The following HIBCH variants were observed in gnomAD, a reference collection of about 807,000 sequenced individuals.
The protein encoded by HIBCH is 3-hydroxyisobutyryl-CoA hydrolase.
Under a neutral mutation model 58.2 loss-of-function variants are expected in HIBCH, and 50 were observed. That is an observed-to-expected ratio of 0.86 (90% CI 0.68 to 1.09). The LOEUF (loss-of-function observed/expected upper bound fraction) is 1.09, where lower values mean the gene tolerates loss of function less well. Among genes scored for constraint, HIBCH ranks in the 50% least tolerant of loss-of-function variants. The pLI, the probability that HIBCH is intolerant of heterozygous loss-of-function variation, is 0.00. For synonymous variants in HIBCH, 151 were observed against 146.9 expected, an observed-to-expected ratio of 1.03 and a Z score of -0.20; for missense variants, 450 against 449.7, an observed-to-expected ratio of 1.00 and a Z score of -0.01.
intron 1 of HIBCH, among the ~76,000 whole-genome samples, chr2:190,316,136 T>C (rs2124876841): frequency 6.6e-6 from 1 of 152,214 alleles, no homozygotes; most frequent in South Asian, 2.1e-4. Context: ...ATTTTATTTT[T>C]GTATTCTATT....
chr2:190,262,677 C>CT (rs533851781), intron 6 of HIBCH, among the ~76,000 whole-genome samples: 17 of 152,296 alleles, frequency 1.1e-4, no homozygotes, highest in Non-Finnish European at 1.8e-4. Context: ...CTCCTGAACT[C>CT]TATGGAAAAA....
chr2:190,192,452 C>CTGTGTCTGTGTGTG (rs534949398), intron 1 of HIBCH, among the ~76,000 whole-genome samples: 2 of 145,258 alleles, frequency 1.4e-5, no homozygotes, highest in African/African-American at 5.1e-5. Flanking sequence ...AATTCAGAAT[C>CTGTGTCTGTGTGTG]TGTGTGTGTG....
chr2:190,241,448 G>A (rs972513345), intron 11 of HIBCH, among the ~76,000 whole-genome samples: 1 of 152,284 alleles, frequency 6.6e-6, no homozygotes, highest in Non-Finnish European at 1.5e-5. Context: ...TTTAATTGGT[G>A]CATTTAGCCC....
chr2:190,300,847 G>A lies in HIBCH; in HGVS notation c.79-3894C>T, dbSNP rs75043174. ...TTTTTGTATATAGTGTAAGCAAGGG[G>A]TCCGGTTTCCATTCTCTGCATCTGG... On this transcript the variant is annotated intron_variant, in intron 2 of 13. Coordinates refer to ENST00000359678, the MANE Select transcript of HIBCH (RefSeq NM_014362.4). Among the ~76,000 whole-genome samples, 345 of 152,274 alleles carry A rather than the reference G, an allele frequency of 2.3e-3. 1 individual carries two copies. The highest frequency in any genetic ancestry group is 7.7e-3 in the African/African-American group (321 of 41,534).
chr2:190,305,845 C>T (rs1413075348), intron 2 of HIBCH, among the ~76,000 whole-genome samples: 1 of 152,106 alleles, frequency 6.6e-6, no homozygotes, highest in African/African-American at 2.4e-5. Flanking sequence ...TTCCCACATC[C>T]AGCTGAACCC....
chr2:190,254,665 CCA>C lies in HIBCH; in HGVS notation c.518-2360_518-2359del, dbSNP rs1559036250. On this transcript the variant is annotated intron_variant, in intron 7 of 13. Coordinates refer to ENST00000359678, the MANE Select transcript of HIBCH (RefSeq NM_014362.4). The surrounding 1 kb of genome is among the most constrained non-coding windows in gnomAD (Gnocchi z 5.0). ...CTGCTCCTTCCCTCATCAGCCTCATCCATCAAAGTAGCACAAGTTAAATACCT... is the reference window on the plus strand; with the variant it reads ...CTGCTCCTTCCCTCATCAGCCTCATCTCAAAGTAGCACAAGTTAAATACCT... Among the ~76,000 whole-genome samples the C allele has an allele frequency of 6.6e-6, 1 of 152,196 alleles. No homozygotes were observed. The highest frequency in any genetic ancestry group is 1.5e-5 in the Non-Finnish European group (1 of 68,024).
chr2:190,261,311 C>G (rs572806287), intron 6 of HIBCH, 77 bp from the exon 7 acceptor site: 245 of 1,016,908 alleles, frequency 2.4e-4, no homozygotes, highest in Non-Finnish European at 3.6e-4. Context: ...CACACACTTA[C>G]AAAATTACAA....
At chr2:190,238,617 A>G (rs1686354589) in intron 11 of HIBCH, among the ~76,000 whole-genome samples, 2 of 152,098 alleles carry the variant, frequency 1.3e-5, no homozygotes, top group South Asian at 4.1e-4. Flanking sequence ...TATGCACTCT[A>G]CCACACCTGG....
intron 3 of HIBCH, 85 bp from the exon 4 acceptor site, chr2:190,294,715 C>CAT: frequency 1.2e-6 from 1 of 822,800 alleles, no homozygotes; most frequent in Non-Finnish European, 2.1e-6. Flanking sequence ...TATATTCAAT[C>CAT]ATATATTCAT....
intron 6 of HIBCH, among the ~76,000 whole-genome samples, chr2:190,283,445 C>G (rs1407605232): frequency 4.6e-5 from 7 of 152,198 alleles, no homozygotes; most frequent in African/African-American, 1.7e-4. Context: ...CTTTGCCTCC[C>G]TTGTCCAGGT....
At chr2:190,200,155 A>G (rs775313240), downstream of HIBCH, 126 of 1,611,750 alleles carry the variant, frequency 7.8e-5, no homozygotes, top group Non-Finnish European at 1.0e-4. Context: ...TTGAGGCTGT[A>G]GGATGACAAC....
intron 1 of HIBCH, among the ~76,000 whole-genome samples, chr2:190,196,522 CTT>C (rs34020571): frequency 3.7e-5 from 5 of 135,844 alleles, no homozygotes; most frequent in Admixed American, 7.4e-5. Context: ...AATGCTGGGT[CTT>C]TTTTTTTTTT....
chr2:190,249,518 T>A, intron 9 of HIBCH, 122 bp downstream of exon 9: 1 of 638,794 alleles, frequency 1.6e-6, no homozygotes. Flanking sequence ...CGCTTTAAAG[T>A]AAATAAATCC....
intron 1 of HIBCH, among the ~76,000 whole-genome samples, chr2:190,314,489 T>C (rs1192983857): frequency 2.6e-5 from 4 of 151,844 alleles, no homozygotes; most frequent in Admixed American, 6.6e-5. Context: ...GGTTGGTTGG[T>C]TGGTTTTGAG....
chr2:190,229,412 G>A (rs1306003837), intron 11 of HIBCH, among the ~76,000 whole-genome samples: 2 of 152,180 alleles, frequency 1.3e-5, no homozygotes, highest in African/African-American at 4.8e-5. Flanking sequence ...GCTCTCCTCT[G>A]AATAAAGGCT....
intron 4 of HIBCH, 55 bp from the exon 5 acceptor site, chr2:190,290,540 A>T (rs903713609): frequency 9.2e-7 from 1 of 1,088,126 alleles, no homozygotes; most frequent in African/African-American, 1.6e-5. Flanking sequence ...CAACATTGTC[A>T]ACTAGATCAA....
chr2:190,295,528 A>G (rs1476868827), intron 3 of HIBCH, among the ~76,000 whole-genome samples: 1 of 152,242 alleles, frequency 6.6e-6, no homozygotes, highest in African/African-American at 2.4e-5. Flanking sequence ...TGATGCTTAA[A>G]GAGTTTTTGA....
intron 11 of HIBCH, among the ~76,000 whole-genome samples, chr2:190,230,873 TTGACA>T (rs1686075626): frequency 6.6e-6 from 1 of 152,178 alleles, no homozygotes. Flanking sequence ...TTACTAAAAC[TTGACA>T]TGACAATTAC....
intron 6 of HIBCH, among the ~76,000 whole-genome samples, chr2:190,286,561 G>C (rs1288917531): frequency 1.3e-5 from 2 of 152,020 alleles, no homozygotes; most frequent in East Asian, 3.9e-4. Context: ...TCTTCTCCAT[G>C]CAGCCCTTTC....
Sources: allele counts gnomAD v4.1 joint callset (sites outside exome capture counted in the v4.1 genomes callset), GRCh38; gene constraint gnomAD v4.1.1; non-coding constraint Gnocchi (gnomAD v3.1); transcripts MANE v1.5; gene names NCBI Gene and HGNC (gene_info 2026-07-23, HGNC 2026-07-21).